Variants in KLC1 observed in about 807,000 individuals in gnomAD.
KLC1 encodes the protein kinesin light chain 1, also known as kinesin 2 60/70kDa.
A neutral mutation model predicts 84.2 loss-of-function variants in KLC1; 30 were observed. That is an observed-to-expected ratio of 0.36 (90% CI 0.27 to 0.48). The LOEUF (loss-of-function observed/expected upper bound fraction) is 0.48, where lower values mean the gene tolerates loss of function less well. Ranked by LOEUF, KLC1 falls within the 20% of genes least tolerant of loss-of-function variation. KLC1 has a pLI of 0.99. For missense variants in KLC1, 499 were observed against 805.4 expected, an observed-to-expected ratio of 0.62 and a Z score of 4.60; for synonymous variants, 289 against 293.3, an observed-to-expected ratio of 0.99 and a Z score of 0.15.
At chr14:103,676,373 A>C (rs1164843202) in intron 11 of KLC1, among the ~76,000 whole-genome samples, 1 of 151,872 alleles carries the variant, frequency 6.6e-6, no homozygotes, top group Non-Finnish European at 1.5e-5. Context: ...GGTTCAAGTG[A>C]TTCTCCTGCC....
At chr14:103,639,452 TA>T (rs769521016) in intron 1 of KLC1, among the ~76,000 whole-genome samples, 2 of 152,036 alleles carry the variant, frequency 1.3e-5, no homozygotes, top group Non-Finnish European at 2.9e-5. Context: ...TTTACTTATT[TA>T]TTTTTTTGTG....
chr14:103,687,256 C>T, intron 14 of KLC1, 45 bp downstream of exon 14: 1 of 1,492,490 alleles, frequency 6.7e-7, no homozygotes, highest in East Asian at 2.6e-5. Flanking sequence ...ACGCCGGCTG[C>T]TGGGCCGCTT....
intron 5 of KLC1, among the ~76,000 whole-genome samples, chr14:103,669,207 C>T (rs1405071309): frequency 1.3e-5 from 2 of 151,632 alleles, no homozygotes; most frequent in Non-Finnish European, 2.9e-5. Flanking sequence ...GAGGCCTAGG[C>T]GGGTGGATCA....
chr14:103,675,747 A>G lies in KLC1; in HGVS notation c.1370A>G (p.Lys457Arg). The change falls in exon 11 of 17, where the codon AAA becomes AGA. Residue 457 changes from lysine to arginine, a missense_variant. By Grantham distance (26) the Lys-to-Arg change is conservative (BLOSUM62 2). Coordinates refer to ENST00000334553, the MANE Select transcript of KLC1 (RefSeq NM_001394837.1). ...TATGGCGGCTGGTACAAAGCCTGCA[A>G]AGTTGATAGGTATGTCTGGAATTGC... is the stretch of plus-strand genomic sequence containing the variant. ...GEYGGWYKAC[K>R]VDSPTVTTTL... is the part of the protein sequence containing the mutation. 1 of 1,613,886 alleles carries G rather than the reference A, an allele frequency of 6.2e-7. No individual in the cohort carries two copies. Among genetic ancestry groups the G allele is most frequent in the East Asian group, 2.2e-5 (1 of 44,874 alleles).
intron 1 of KLC1, among the ~76,000 whole-genome samples, chr14:103,632,087 G>A (rs1056156100): frequency 6.6e-6 from 1 of 152,142 alleles, no homozygotes; most frequent in Admixed American, 6.5e-5. Flanking sequence ...AGTAGTCAGC[G>A]ATACCTTGAT....
chr14:103,698,664 G>A lies in KLC1; in HGVS notation c.1849-1991G>A, dbSNP rs2082784256. On this transcript the variant is annotated intron_variant, in intron 15 of 16. Coordinates refer to ENST00000334553, the MANE Select transcript of KLC1 (RefSeq NM_001394837.1). Reference sequence around the variant, plus strand: ...GCCACCATCTTCGGATGAGAAAGTGGAGCCGCTGCCCTGGAAGAGCTGTGT... The same window carrying A: ...GCCACCATCTTCGGATGAGAAAGTGAAGCCGCTGCCCTGGAAGAGCTGTGT... The A allele has an allele frequency of 3.8e-6, 3 of 798,668 alleles. No homozygotes were observed. The South Asian group carries it at 4.7e-5, about 12-fold the overall frequency. The allele number at this position is 798,668 out of a possible 1,614,324, so 49.5% of individuals were successfully genotyped here. A position where few individuals can be genotyped will look rare whatever the true frequency, so the allele number is the denominator to read the frequency against.
At chr14:103,643,871 G>C (rs2077684295) in intron 1 of KLC1, among the ~76,000 whole-genome samples, 1 of 151,684 alleles carries the variant, frequency 6.6e-6, no homozygotes, top group Non-Finnish European at 1.5e-5. Flanking sequence ...GAGGTTGCCT[G>C]GCCCGAAGGC....
intron 9 of KLC1, among the ~76,000 whole-genome samples, chr14:103,675,102 G>A (rs1362325624): frequency 6.6e-6 from 1 of 152,198 alleles, no homozygotes; most frequent in African/African-American, 2.4e-5. Context: ...TGAGGCAGGT[G>A]GATCACTTGA....
At chr14:103,662,518 C>T (rs1455954698) in intron 4 of KLC1, among the ~76,000 whole-genome samples, 184 bp from the exon 5 acceptor site, 1 of 151,980 alleles carries the variant, frequency 6.6e-6, no homozygotes, top group Non-Finnish European at 1.5e-5. Flanking sequence ...GCCATGTTGC[C>T]ATCCCTGACA....
At chr14:103,650,854 C>T (rs2151456785) in intron 1 of KLC1, among the ~76,000 whole-genome samples, 1 of 152,182 alleles carries the variant, frequency 6.6e-6, no homozygotes, top group Admixed American at 6.5e-5. Flanking sequence ...GCTGGGATTA[C>T]AGGCGTGAAC....
intron 5 of KLC1, among the ~76,000 whole-genome samples, chr14:103,665,623 G>A (rs918733087): frequency 6.6e-6 from 1 of 152,030 alleles, no homozygotes; most frequent in Non-Finnish European, 1.5e-5. Flanking sequence ...TTTTAGTAGA[G>A]ACAGTGTTTT....
chr14:103,663,009 G>A (rs2079414858), intron 5 of KLC1, 82 bp downstream of exon 5: 1 of 920,152 alleles, frequency 1.1e-6, no homozygotes, highest in Non-Finnish European at 1.6e-6. Flanking sequence ...ATATTTTTAT[G>A]TATCTGTATA....
chr14:103,694,761 A>T lies in KLC1; in HGVS notation c.1848+2336A>T, dbSNP rs1338775221. ...GGGTGGTGGCACAGCAGAGGCTCAC[A>T]CTTGTCACCTTCAGCCTCTAGAAGC... On this transcript the variant is annotated intron_variant, in intron 15 of 16. Coordinates refer to ENST00000334553, the MANE Select transcript of KLC1 (RefSeq NM_001394837.1). This position sits in a 1 kb window ranked among gnomAD's most constrained non-coding sequence, Gnocchi z 4.5. 1 of 985,384 alleles carries T rather than the reference A, an allele frequency of 1.0e-6. No individual in the cohort carries two copies. The highest frequency in any genetic ancestry group is 1.7e-5 in the African/African-American group (1 of 57,260). The allele number at this position is 985,384 out of a possible 1,614,324, so 61.0% of individuals were successfully genotyped here. A position where few individuals can be genotyped will look rare whatever the true frequency, so the allele number is the denominator to read the frequency against.
chr14:103,654,939 T>G, intron 2 of KLC1, 114 bp downstream of exon 2: 1 of 1,255,770 alleles, frequency 8.0e-7, no homozygotes, highest in Non-Finnish European at 1.1e-6. Flanking sequence ...GAATAACAGA[T>G]CCAGGCCGAG....
At position 103,648,592 on chromosome 14, in the gene KLC1, C is replaced by T. The variant is rs1301002360; in HGVS notation, c.-1-5972C>T. The stretch of plus-strand genomic sequence containing the variant: ...GAGCCTAGGAGTTGAAGGCCAGCCT[C>T]GGCAACATGGCAAGACCCTCTCTAC... On this transcript the variant is annotated intron_variant, in intron 1 of 16. Coordinates refer to ENST00000334553, the MANE Select transcript of KLC1 (RefSeq NM_001394837.1). Among the ~76,000 whole-genome samples, 6 of 151,250 alleles carry T rather than the reference C, an allele frequency of 4.0e-5. No individual in the cohort carries two copies. The South Asian group carries it at 6.3e-4, about 16-fold the overall frequency.
At chr14:103,649,437 A>C (rs1454081298) in intron 1 of KLC1, among the ~76,000 whole-genome samples, 1 of 151,638 alleles carries the variant, frequency 6.6e-6, no homozygotes, top group Non-Finnish European at 1.5e-5. Context: ...ACAGTACATA[A>C]TTTGTTAGGG....
At chr14:103,644,408 G>A (rs989121034) in intron 1 of KLC1, among the ~76,000 whole-genome samples, 17 of 151,566 alleles carry the variant, frequency 1.1e-4, no homozygotes, top group African/African-American at 3.4e-4. Context: ...ACAGGCTCCC[G>A]CCACCACACC....
intron 11 of KLC1, among the ~76,000 whole-genome samples, chr14:103,676,830 A>G (rs1261570081): frequency 9.9e-5 from 15 of 152,208 alleles, no homozygotes; most frequent in Admixed American, 7.9e-4. Flanking sequence ...GAATGCAGAA[A>G]CATCAAGCTC....
At chr14:103,656,100 G>C (rs1171453670) in intron 2 of KLC1, among the ~76,000 whole-genome samples, 2 of 152,190 alleles carry the variant, frequency 1.3e-5, no homozygotes, top group Non-Finnish European at 2.9e-5. Flanking sequence ...ATGTGGCCCT[G>C]TTCTAGCATA....
Sources: allele counts gnomAD v4.1 joint callset (sites outside exome capture counted in the v4.1 genomes callset), GRCh38; gene constraint gnomAD v4.1.1; non-coding constraint Gnocchi (gnomAD v3.1); transcripts MANE v1.5; gene names NCBI Gene and HGNC (gene_info 2026-07-23, HGNC 2026-07-21).